The following PCED1B variants were observed in gnomAD, a reference collection of about 807,000 sequenced individuals.
PCED1B encodes PC-esterase domain containing 1B.
For missense variants in PCED1B, 573 were observed against 573.9 expected (o/e 1.00, Z 0.02); for synonymous variants, 251 against 246.1 (o/e 1.02, Z -0.19).
chr12:47,236,444 A>T lies in PCED1B; in HGVS notation c.*82A>T. On this transcript the variant is annotated 3_prime_UTR_variant, in exon 4 of 4. Transcript: ENST00000546455. ...CCTTTCCATTGCTTGGCCTGAACAG[A>T]CTGACCTTGTTAACTTAAGCCTGGA... 3 of 1,345,980 alleles carry T rather than the reference A, an allele frequency of 2.2e-6. No homozygotes were observed. The highest frequency in any genetic ancestry group is 3.0e-6 in the Non-Finnish European group (3 of 1,008,762). The allele number at this position is 1,345,980 out of a possible 1,614,324, so 83.4% of individuals were successfully genotyped here.
In PCED1B at chr12:47,198,841, C is replaced by T. The variant is rs190729526; in HGVS notation, c.-525-17381C>T. On this transcript the variant is annotated intron_variant, in intron 2 of 3. Coordinates refer to ENST00000546455, the MANE Select transcript of PCED1B (RefSeq NM_138371.3). Reference sequence around the variant, plus strand: ...ATTAGCCAGACATGGTTGCACATGCCTGTAATCCCAGCTACTTGGGAGACT... The same window carrying T: ...ATTAGCCAGACATGGTTGCACATGCTTGTAATCCCAGCTACTTGGGAGACT... Among the ~76,000 whole-genome samples, 269 of 152,140 alleles carry T rather than the reference C, an allele frequency of 1.8e-3. 1 individual carries two copies. The highest frequency in any genetic ancestry group is 6.2e-3 in the African/African-American group (258 of 41,514).
chr12:47,173,920 A>T (rs141338861), intron 2 of PCED1B, among the ~76,000 whole-genome samples: 115 of 152,330 alleles, frequency 7.5e-4, no homozygotes, highest in African/African-American at 2.5e-3. Context: ...ATTCTTATTC[A>T]GATCAATTAA....
rs1291580915 is a variant in PCED1B, at chr12:47,229,552, A to T, written c.-57-5455A>T. Among the ~76,000 whole-genome samples the T allele has an allele frequency of 2.0e-5, 3 of 152,210 alleles. No homozygotes were observed. The East Asian group carries it at 5.8e-4, about 29-fold the overall frequency. On this transcript the variant is annotated intron_variant, in intron 3 of 3. Transcript: ENST00000546455. ...GGGATTGGGCCCAAGTGGAAACACA[A>T]AATTCATTTATGTTTCATATACAGC... is the stretch of plus-strand genomic sequence containing the variant.
chr12:47,178,653 G>A (rs1942000586), intron 2 of PCED1B, among the ~76,000 whole-genome samples: 1 of 151,954 alleles, frequency 6.6e-6, no homozygotes, highest in Admixed American at 6.6e-5. Context: ...CAAATCACAA[G>A]GTCAGGAGTT....
intron 2 of PCED1B, among the ~76,000 whole-genome samples, chr12:47,116,261 A>G (rs1939414050): frequency 6.6e-6 from 1 of 151,926 alleles, no homozygotes; most frequent in African/African-American, 2.4e-5. Context: ...AGATGTTGAT[A>G]AGCTCTGTCC....
At chr12:47,220,940 A>G (rs927240761) in intron 3 of PCED1B, among the ~76,000 whole-genome samples, 6 of 152,234 alleles carry the variant, frequency 3.9e-5, no homozygotes, top group African/African-American at 1.4e-4. Context: ...CTGGGCTTAT[A>G]CAAACCCTAT....
chr12:47,218,188 T>A (rs1943359904), intron 3 of PCED1B, among the ~76,000 whole-genome samples: 1 of 152,168 alleles, frequency 6.6e-6, no homozygotes, highest in Non-Finnish European at 1.5e-5. Context: ...AAGCGAGAGC[T>A]CGGCTGGACA....
chr12:47,134,529 A>G (rs549249559), intron 2 of PCED1B, among the ~76,000 whole-genome samples: 3 of 152,306 alleles, frequency 2.0e-5, no homozygotes, highest in African/African-American at 7.2e-5. Flanking sequence ...CCCCACCTGC[A>G]TTGACCCCTT....
At chr12:47,172,340 C>CTTTTTTTTTTTTTTTTTTTTTTTGTTT (rs34230051) in intron 2 of PCED1B, among the ~76,000 whole-genome samples, 6 of 78,334 alleles carry the variant, frequency 7.7e-5, no homozygotes, top group Admixed American at 3.0e-4. Flanking sequence ...TCGTGGGTTG[C>CTTTTTTTTTTTTTTTTTTTTTTTGTTT]TTTTTTTTTT....
chr12:47,121,272 G>A (rs1939667459), intron 2 of PCED1B, among the ~76,000 whole-genome samples: 2 of 152,302 alleles, frequency 1.3e-5, no homozygotes, highest in African/African-American at 4.8e-5. Flanking sequence ...TTGGCAGAAG[G>A]CAGGGGCTTC....
chr12:47,150,486 G>A (rs1481407374), intron 2 of PCED1B, among the ~76,000 whole-genome samples: 1 of 151,812 alleles, frequency 6.6e-6, no homozygotes, highest in Non-Finnish European at 1.5e-5. Context: ...GCTGAGGCAG[G>A]AGAACTGCTT....
intron 2 of PCED1B, 92 bp downstream of exon 2, chr12:47,104,287 T>C (rs923315772): frequency 2.6e-5 from 4 of 152,218 alleles, no homozygotes; most frequent in African/African-American, 9.6e-5. Flanking sequence ...ACCTTAGTTA[T>C]TGGGCTGTAC....
At chr12:47,092,659 G>C (rs938037766) in intron 1 of PCED1B, among the ~76,000 whole-genome samples, 1 of 152,014 alleles carries the variant, frequency 6.6e-6, no homozygotes, top group African/African-American at 2.4e-5. Flanking sequence ...CGGATATTTT[G>C]TAGATATTCT....
At chr12:47,214,822 T>C (rs1273091776) in intron 2 of PCED1B, among the ~76,000 whole-genome samples, 7 of 152,210 alleles carry the variant, frequency 4.6e-5, no homozygotes, top group African/African-American at 1.7e-4. Flanking sequence ...TTTTCAGAGA[T>C]ACTCTTGTGT....
At chr12:47,147,507 A>G (rs1263481284) in intron 2 of PCED1B, among the ~76,000 whole-genome samples, 1 of 152,038 alleles carries the variant, frequency 6.6e-6, no homozygotes, top group Non-Finnish European at 1.5e-5. Flanking sequence ...TACCATCCAT[A>G]TTCTATTTCT....
chr12:47,098,951 T>G (rs965119549), intron 1 of PCED1B, among the ~76,000 whole-genome samples: 1 of 152,212 alleles, frequency 6.6e-6, no homozygotes, highest in Non-Finnish European at 1.5e-5. Flanking sequence ...GGTGGATGTG[T>G]GCAAAATTGT....
intron 3 of PCED1B, among the ~76,000 whole-genome samples, chr12:47,224,940 T>G (rs892372240): frequency 6.6e-6 from 1 of 152,206 alleles, no homozygotes; most frequent in Non-Finnish European, 1.5e-5. Context: ...CTTTTTCGTT[T>G]TCTTTTTTTG....
At chr12:47,225,975 AAT>A (rs1183531175) in intron 3 of PCED1B, among the ~76,000 whole-genome samples, 1 of 152,260 alleles carries the variant, frequency 6.6e-6, no homozygotes, top group Non-Finnish European at 1.5e-5. Context: ...ATTGTAAAGC[AAT>A]AGTCAATGAG....
chr12:47,157,408 A>G (rs762304602), intron 2 of PCED1B, among the ~76,000 whole-genome samples: 30 of 152,158 alleles, frequency 2.0e-4, no homozygotes, highest in Admixed American at 3.9e-4. Context: ...GGTCAACATA[A>G]TGAGACCCTG....
Sources: allele counts gnomAD v4.1 joint callset (sites outside exome capture counted in the v4.1 genomes callset), GRCh38; gene constraint gnomAD v4.1.1; transcripts MANE v1.5; gene names NCBI Gene and HGNC (gene_info 2026-07-23, HGNC 2026-07-21).